The following FHIT variants were observed in gnomAD, a reference collection of about 807,000 sequenced individuals.
FHIT encodes bis(5'-adenosyl)-triphosphatase.
FHIT carries 19 observed loss-of-function variants against 17.9 expected under a neutral mutation model. That is an observed-to-expected ratio of 1.06 (90% CI 0.74 to 1.56). The LOEUF (loss-of-function observed/expected upper bound fraction) is 1.56, where lower values mean the gene tolerates loss of function less well. FHIT is among the 40% of genes most tolerant of loss of function. The pLI, the probability that FHIT is intolerant of heterozygous loss-of-function variation, is 0.00. For synonymous variants in FHIT, 81 were observed against 69.7 expected (o/e 1.16, Z -0.81); for missense variants, 248 against 189.2 (o/e 1.31, Z -1.82).
intron 2 of FHIT, among the ~76,000 whole-genome samples, chr3:61,045,779 A>G (rs561795882): frequency 6.6e-6 from 1 of 152,376 alleles, no homozygotes; most frequent in East Asian, 1.9e-4. Flanking sequence ...CAGAAATTAT[A>G]ACAAACTGTC....
At chr3:61,035,614 C>T (rs575482768) in intron 3 of FHIT, among the ~76,000 whole-genome samples, 3 of 152,138 alleles carry the variant, frequency 2.0e-5, no homozygotes, top group African/African-American at 7.2e-5. Context: ...CTGGTAATCT[C>T]GGGAGAAATT....
intron 8 of FHIT, among the ~76,000 whole-genome samples, chr3:59,769,113 G>C (rs1701947873): frequency 6.6e-6 from 1 of 152,200 alleles, no homozygotes; most frequent in South Asian, 2.1e-4. Context: ...ACAGAGGTTG[G>C]CATCCTACCC....
At chr3:60,363,097 T>C (rs900590335) in intron 5 of FHIT, among the ~76,000 whole-genome samples, 2 of 152,100 alleles carry the variant, frequency 1.3e-5, no homozygotes, top group African/African-American at 4.8e-5. Flanking sequence ...AAAAAGGCAG[T>C]ATGCAACAAA....
At position 61,055,115 on chromosome 3, in the gene FHIT, A is replaced by G. The variant is rs545539047; in HGVS notation, c.-163-13016T>C. Among the ~76,000 whole-genome samples, 32 of 151,842 alleles carry G rather than the reference A, an allele frequency of 2.1e-4. No individual in the cohort carries two copies. In the South Asian group the frequency reaches 2.5e-3, roughly 12 times the overall value. On this transcript the variant is annotated intron_variant, in intron 2 of 9. Transcript: ENST00000492590. ...TTGTTTGTTTGTTTGTTTGTTTTTCAGGAAAAAAAGGCATCTGTGATGCGT... is the reference window on the plus strand; with the variant it reads ...TTGTTTGTTTGTTTGTTTGTTTTTCGGGAAAAAAAGGCATCTGTGATGCGT...
At chr3:60,957,233 CTTTTTTTT>C (rs35221092) in intron 3 of FHIT, among the ~76,000 whole-genome samples, 3 of 97,138 alleles carry the variant, frequency 3.1e-5, no homozygotes, top group Non-Finnish European at 6.0e-5. Flanking sequence ...TTCTTTCTTT[CTTTTTTTT>C]TTTTTTTTTT....
Position 60,342,621 on chromosome 3 carries a change from T to C in FHIT, c.103+194239A>G, listed in dbSNP as rs568842058. On this transcript the variant is annotated intron_variant, in intron 5 of 9. Transcript: ENST00000492590. The stretch of plus-strand genomic sequence containing the variant: ...CTATGAGTTGGCCCATTCCCTCAAG[T>C]AAAGCATGAAGACTTAAAAGCAACA... 2.6e-5 allele frequency among the ~76,000 whole-genome samples: 4 copies of C among 152,240 alleles called. No individual in the cohort carries two copies. In the South Asian group the frequency reaches 6.2e-4, roughly 24 times the overall value.
chr3:59,938,722 A>G (rs567219178), intron 7 of FHIT, among the ~76,000 whole-genome samples: 2 of 152,326 alleles, frequency 1.3e-5, no homozygotes, highest in African/African-American at 4.8e-5. Context: ...ACGAAAAAGC[A>G]CATTCCCTTC....
chr3:60,478,854 G>C (rs562857283), intron 5 of FHIT, among the ~76,000 whole-genome samples: 2 of 152,308 alleles, frequency 1.3e-5, no homozygotes, highest in South Asian at 2.1e-4. Flanking sequence ...GACACAGAGA[G>C]TATAATCACA....
chr3:61,245,626 C>A (rs562984844), intron 1 of FHIT, among the ~76,000 whole-genome samples: 1 of 152,156 alleles, frequency 6.6e-6, no homozygotes, highest in African/African-American at 2.4e-5. Context: ...ACATGCTTAT[C>A]CCACATCAAC....
intron 4 of FHIT, among the ~76,000 whole-genome samples, chr3:60,683,568 G>A (rs574710738): frequency 1.4e-4 from 22 of 152,094 alleles, no homozygotes; most frequent in Non-Finnish European, 2.2e-4. Context: ...GACTACTATA[G>A]ACTGTAAACA....
chr3:60,307,527 C>G (rs1373417196), intron 5 of FHIT, among the ~76,000 whole-genome samples: 1 of 152,068 alleles, frequency 6.6e-6, no homozygotes, highest in Non-Finnish European at 1.5e-5. Flanking sequence ...TGTTGTTTGA[C>G]AATGATATTT....
rs376392827 is a variant in FHIT at position 60,377,834 on chromosome 3, G to A, written c.103+159026C>T. On this transcript the variant is annotated intron_variant, in intron 5 of 9. Transcript: ENST00000492590. ...AGTGAGAGCCTTTCTTTTTAATCCT[G>A]AAATGCATCTGATTGAGGACACAGG... Among the ~76,000 whole-genome samples, 8 of 152,220 alleles carry A rather than the reference G, an allele frequency of 5.3e-5. 1 individual carries two copies. Among genetic ancestry groups the A allele is most frequent in the South Asian group, 2.1e-4 (1 of 4,820 alleles).
intron 3 of FHIT, among the ~76,000 whole-genome samples, chr3:60,849,690 A>G (rs1703070476): frequency 6.6e-6 from 1 of 151,896 alleles, no homozygotes; most frequent in African/African-American, 2.4e-5. Context: ...TCTGCCATTT[A>G]CCTGTTGGGC....
chr3:59,833,781 C>T (rs1006339178), intron 8 of FHIT, among the ~76,000 whole-genome samples: 1 of 152,096 alleles, frequency 6.6e-6, no homozygotes, highest in Non-Finnish European at 1.5e-5. Flanking sequence ...GAGGGAGAGA[C>T]CTGGTGGGAG....
chr3:60,447,391 CAT>C lies in FHIT; in HGVS notation c.103+89467_103+89468del, dbSNP rs139304013. ...GTTAAATTCAAATTTAAACTTAATC[CAT>C]ATGTTACATAGGAATTATTTTGTTA... On this transcript the variant is annotated intron_variant, in intron 5 of 9. Transcript: ENST00000492590. 4.0e-3 allele frequency among the ~76,000 whole-genome samples: 606 copies of C among 152,072 alleles called. 2 individuals are homozygous for C. Among genetic ancestry groups the C allele is most frequent in the African/African-American group, 0.014 (575 of 41,492 alleles).
At chr3:60,671,582 G>GA (rs34559466) in intron 4 of FHIT, among the ~76,000 whole-genome samples, 19 of 150,492 alleles carry the variant, frequency 1.3e-4, no homozygotes, top group East Asian at 9.7e-4. Context: ...ATACAATATT[G>GA]AAAAAAAAAT....
At chr3:60,774,056 C>T (rs1700135929) in intron 4 of FHIT, among the ~76,000 whole-genome samples, 1 of 152,124 alleles carries the variant, frequency 6.6e-6, no homozygotes, top group Non-Finnish European at 1.5e-5. Flanking sequence ...ACGAAAATGG[C>T]AAAATTATCT....
At chr3:60,858,035 T>C (rs782431264) in intron 3 of FHIT, among the ~76,000 whole-genome samples, 3 of 152,232 alleles carry the variant, frequency 2.0e-5, no homozygotes, top group Non-Finnish European at 4.4e-5. Flanking sequence ...AAAGTACTAG[T>C]GCTCACCTGA....
At chr3:60,429,671 A>C (rs76336759) in intron 5 of FHIT, among the ~76,000 whole-genome samples, 339 of 152,154 alleles carry the variant, frequency 2.2e-3, no homozygotes, top group African/African-American at 7.7e-3. Flanking sequence ...CATAAACCCA[A>C]TGTGGTTGGG....
Sources: allele counts gnomAD v4.1 joint callset (sites outside exome capture counted in the v4.1 genomes callset), GRCh38; gene constraint gnomAD v4.1.1; transcripts MANE v1.5; gene names NCBI Gene and HGNC (gene_info 2026-07-23, HGNC 2026-07-21).